Variants in SYNPR observed in about 807,000 individuals in gnomAD.
SYNPR encodes synaptoporin.
In SYNPR, 23 loss-of-function variants were observed where a neutral mutation model predicts 32.9. The ratio of observed to expected loss-of-function variants is 0.70; its 90% CI spans 0.50 to 0.99. The LOEUF is 0.99. Among genes scored for constraint, SYNPR ranks in the 50% least tolerant of loss-of-function variants. SYNPR has a pLI of 0.00. For synonymous variants in SYNPR, 146 were observed against 135.9 expected (o/e 1.07, Z -0.52); for missense variants, 318 against 349.3 (o/e 0.91, Z 0.71).
chr3:63,474,063 A>C (rs775567013), intron 2 of SYNPR, among the ~76,000 whole-genome samples: 3 of 152,172 alleles, frequency 2.0e-5, no homozygotes, highest in African/African-American at 4.8e-5. Flanking sequence ...TGGGGAAGGA[A>C]GGAAAGCCAG....
intron 2 of SYNPR, among the ~76,000 whole-genome samples, chr3:63,424,774 A>T (rs190792913): frequency 5.3e-5 from 8 of 152,304 alleles, no homozygotes; most frequent in African/African-American, 1.9e-4. Flanking sequence ...ACTGGACTTT[A>T]TTCTCTTTAT....
intron 1 of SYNPR, among the ~76,000 whole-genome samples, chr3:63,249,343 G>A (rs982287131): frequency 2.6e-5 from 4 of 152,120 alleles, no homozygotes; most frequent in African/African-American, 9.7e-5. Context: ...TTGCGATAGT[G>A]TAGTCTTTTT....
chr3:63,509,902 T>A (rs1701663196), intron 3 of SYNPR, among the ~76,000 whole-genome samples: 1 of 152,152 alleles, frequency 6.6e-6, no homozygotes, highest in African/African-American at 2.4e-5. Flanking sequence ...ATTTAATTAT[T>A]ACTAGTATGC....
intron 2 of SYNPR, among the ~76,000 whole-genome samples, chr3:63,383,285 T>A (rs1014169503): frequency 2.6e-5 from 4 of 152,130 alleles, no homozygotes; most frequent in Admixed American, 2.0e-4. Context: ...AGGGTTAAAT[T>A]GGAAAAGAGC....
At chr3:63,380,539 GT>G (rs1490199044) in intron 2 of SYNPR, among the ~76,000 whole-genome samples, 2 of 151,996 alleles carry the variant, frequency 1.3e-5, no homozygotes, top group Admixed American at 6.6e-5. Flanking sequence ...GGTGTTGTTT[GT>G]TTTTTTCTTG....
At chr3:63,498,224 G>C (rs1011470328) in intron 3 of SYNPR, among the ~76,000 whole-genome samples, 1 of 152,122 alleles carries the variant, frequency 6.6e-6, no homozygotes, top group African/African-American at 2.4e-5. Flanking sequence ...TGGATGGGAG[G>C]TGGGCACTAA....
intron 5 of SYNPR, among the ~76,000 whole-genome samples, chr3:63,614,998 G>A (rs1171038721): frequency 1.3e-5 from 2 of 152,196 alleles, no homozygotes; most frequent in Non-Finnish European, 2.9e-5. Context: ...CTTAGAGCAA[G>A]TGAATTGATA....
chr3:63,234,074 G>A (rs2086183830), intron 1 of SYNPR, among the ~76,000 whole-genome samples: 2 of 152,146 alleles, frequency 1.3e-5, no homozygotes, highest in Non-Finnish European at 2.9e-5. Context: ...CCTGAGACTG[G>A]GAAATTTACA....
chr3:63,471,092 T>C (rs1440807197), intron 2 of SYNPR, among the ~76,000 whole-genome samples: 3 of 152,188 alleles, frequency 2.0e-5, no homozygotes, highest in African/African-American at 7.2e-5. Flanking sequence ...GCATGAAGTA[T>C]CAATTCTGTA....
chr3:63,229,056 A>G (rs973274739), intron 1 of SYNPR, among the ~76,000 whole-genome samples: 2 of 152,200 alleles, frequency 1.3e-5, no homozygotes, highest in Admixed American at 6.6e-5. Flanking sequence ...AGTTTTTATT[A>G]TATCAAAAAG....
intron 2 of SYNPR, among the ~76,000 whole-genome samples, chr3:63,341,630 C>G (rs2087371842): frequency 6.6e-6 from 1 of 152,118 alleles, no homozygotes; most frequent in Non-Finnish European, 1.5e-5. Context: ...TTTTCATATG[C>G]TTATTTGCCA....
chr3:63,486,164 C>T (rs953536069), intron 3 of SYNPR, among the ~76,000 whole-genome samples: 1 of 152,118 alleles, frequency 6.6e-6, no homozygotes, highest in Admixed American at 6.5e-5. Flanking sequence ...CTACCTTGGC[C>T]CCCAAAAGTG....
chr3:63,326,730 A>T (rs1684445119), intron 2 of SYNPR, among the ~76,000 whole-genome samples: 1 of 152,106 alleles, frequency 6.6e-6, no homozygotes, highest in African/African-American at 2.4e-5. Flanking sequence ...AAATAGCAGC[A>T]CCAAGAAAGG....
intron 2 of SYNPR, among the ~76,000 whole-genome samples, chr3:63,290,546 T>C (rs2086728551): frequency 1.4e-5 from 2 of 144,746 alleles, no homozygotes; most frequent in African/African-American, 5.2e-5. Context: ...TTGAGAAAAT[T>C]TTACTGAACT....
intron 2 of SYNPR, among the ~76,000 whole-genome samples, chr3:63,413,448 C>A (rs1181603177): frequency 6.6e-6 from 1 of 152,132 alleles, no homozygotes; most frequent in African/African-American, 2.4e-5. Flanking sequence ...TAAAAAGGAA[C>A]CCCTGAAGGC....
intron 2 of SYNPR, among the ~76,000 whole-genome samples, chr3:63,337,480 G>C (rs370260383): frequency 1.5e-3 from 233 of 152,184 alleles, no homozygotes; most frequent in Middle Eastern, 0.01. Flanking sequence ...GTGCAACCTT[G>C]TCTACCATAT....
In SYNPR at chr3:63,270,451, C is replaced by T. The variant is rs539880337; in HGVS notation, n.287+3002C>T. On this transcript the variant is annotated intron_variant and non_coding_transcript_variant, in intron 3 of 4. Coordinates refer to the SYNPR transcript ENST00000478456. ...ATAAATCAAACCAAGGGACATACACCGATTGAGAATGTGGGTGAACCAGTT... is the reference window on the plus strand; with the variant it reads ...ATAAATCAAACCAAGGGACATACACTGATTGAGAATGTGGGTGAACCAGTT... 1.7e-3 allele frequency among the ~76,000 whole-genome samples: 264 copies of T among 152,218 alleles called. 2 individuals are homozygous for T. Among genetic ancestry groups the T allele is most frequent in the African/African-American group, 5.9e-3 (246 of 41,534 alleles).
At chr3:63,494,470 CATATATACATATATATACAT>C (rs1225773527) in intron 3 of SYNPR, among the ~76,000 whole-genome samples, 5 of 91,010 alleles carry the variant, frequency 5.5e-5, no homozygotes, top group Non-Finnish European at 1.1e-4. Flanking sequence ...CATATATACA[CATATATACATATATATACAT>C]ATATATACAT....
the SYNPR span, among the ~76,000 whole-genome samples, chr3:63,205,490 T>C: frequency 4.2e-4 from 64 of 152,324 alleles, no homozygotes; most frequent in African/African-American, 1.5e-3. Flanking sequence ...CCATCACTTA[T>C]AGGGAGAAGG....
Sources: gnomAD v4.1 joint callset for allele counts (sites outside exome capture counted in the v4.1 genomes callset) on GRCh38, gnomAD v4.1.1 for gene constraint, MANE v1.5 for transcripts, NCBI Gene and HGNC (gene_info 2026-07-23, HGNC 2026-07-21) for gene names.